RBFOX1: variants seen among roughly 807,000 people sequenced by gnomAD.
The protein encoded by RBFOX1 is RNA binding fox-1 homolog 1, also known as RNA binding protein fox-1 homolog 1.
RBFOX1 carries 8 observed loss-of-function variants against 57.7 expected under a neutral mutation model. The ratio of observed to expected loss-of-function variants is 0.14; its 90% CI spans 0.08 to 0.25. The LOEUF (loss-of-function observed/expected upper bound fraction) is 0.25, where lower values mean the gene tolerates loss of function less well. RBFOX1 is among the 10% of genes least tolerant of loss of function. RBFOX1 has a pLI of 1.00. For synonymous variants in RBFOX1, 326 were observed against 222.4 expected, an observed-to-expected ratio of 1.47 and a Z score of -4.15; for missense variants, 611 against 548.5, an observed-to-expected ratio of 1.11 and a Z score of -1.14.
At chr16:6,515,899 T>G (rs2096367811) in intron 2 of RBFOX1, among the ~76,000 whole-genome samples, 1 of 152,202 alleles carries the variant, frequency 6.6e-6, no homozygotes, top group Non-Finnish European at 1.5e-5. Context: ...TTGCATAATT[T>G]TCCTTGACTC....
At chr16:6,364,319 C>T (rs575933516) in intron 2 of RBFOX1, among the ~76,000 whole-genome samples, 1 of 152,146 alleles carries the variant, frequency 6.6e-6, no homozygotes, top group Non-Finnish European at 1.5e-5. Context: ...TTTTATCTTG[C>T]ATTTTCCCTC....
At chr16:5,584,880 C>T (rs1356901428) in intron 2 of RBFOX1, among the ~76,000 whole-genome samples, 2 of 152,080 alleles carry the variant, frequency 1.3e-5, no homozygotes, top group Non-Finnish European at 2.9e-5. Flanking sequence ...TTTGATTGTA[C>T]AGATGTGTGT....
intron 2 of RBFOX1, among the ~76,000 whole-genome samples, chr16:6,482,830 C>T (rs1212973285): frequency 6.6e-6 from 1 of 152,208 alleles, no homozygotes; most frequent in East Asian, 1.9e-4. Context: ...GTCATAAATA[C>T]TGTCCCGTGG....
intron 2 of RBFOX1, among the ~76,000 whole-genome samples, chr16:5,563,560 C>G (rs12149635): frequency 6.6e-6 from 1 of 152,000 alleles, no homozygotes; most frequent in African/African-American, 2.4e-5. Context: ...GCACCTTGGT[C>G]ATCAAATTTG....
chr16:5,943,836 C>T (rs1427986065), intron 4 of RBFOX1, among the ~76,000 whole-genome samples: 3 of 151,916 alleles, frequency 2.0e-5, no homozygotes, highest in Admixed American at 6.6e-5. Context: ...CATCGACCCA[C>T]CCATTTATCC....
chr16:5,842,243 C>G (rs886585052), intron 3 of RBFOX1, among the ~76,000 whole-genome samples: 1 of 152,090 alleles, frequency 6.6e-6, no homozygotes, highest in African/African-American at 2.4e-5. Context: ...CGATGATTTT[C>G]CTAGTGAGAT....
chr16:6,100,146 TTTGTTGTTGTTTTTTTTTG>T (rs2152553713), intron 1 of RBFOX1, among the ~76,000 whole-genome samples: 1 of 151,660 alleles, frequency 6.6e-6, no homozygotes, highest in Admixed American at 6.6e-5. Context: ...TATTGTTTTT[TTTGTTGTTGTTTTTTTTTG>T]TTGTTGTTGT....
intron 3 of RBFOX1, among the ~76,000 whole-genome samples, chr16:6,850,222 C>G (rs1007451173): frequency 3.9e-5 from 6 of 152,122 alleles, no homozygotes; most frequent in African/African-American, 1.2e-4. Context: ...AGAAATGATT[C>G]CTCTTTTGGG....
chr16:7,667,946 T>C (rs1179354399), intron 13 of RBFOX1, among the ~76,000 whole-genome samples: 1 of 152,180 alleles, frequency 6.6e-6, no homozygotes, highest in Non-Finnish European at 1.5e-5. Flanking sequence ...AGTGCTACGA[T>C]TACAGACGTG....
chr16:6,790,083 TC>T (rs141871030), intron 3 of RBFOX1, among the ~76,000 whole-genome samples: 42,160 of 149,438 alleles, frequency 0.28, 7,206 homozygotes, highest in Non-Finnish European at 0.39. Context: ...TTTATATTTT[TC>T]TATTATATTG....
chr16:5,463,650 AT>A (rs1160357012), intron 1 of RBFOX1, among the ~76,000 whole-genome samples: 2 of 152,038 alleles, frequency 1.3e-5, no homozygotes, highest in Admixed American at 1.3e-4. Context: ...AAATACAAAA[AT>A]TAGCCAGACG....
intron 3 of RBFOX1, among the ~76,000 whole-genome samples, chr16:5,752,907 G>C (rs2053261736): frequency 6.6e-6 from 1 of 152,212 alleles, no homozygotes; most frequent in African/African-American, 2.4e-5. Context: ...CCAGCACTTT[G>C]GGAGGCTGAG....
intron 4 of RBFOX1, among the ~76,000 whole-genome samples, chr16:7,487,370 A>T (rs1337423036): frequency 6.6e-6 from 1 of 152,108 alleles, no homozygotes; most frequent in South Asian, 2.1e-4. Context: ...CTTCATATCA[A>T]TGTGTTTATG....
intron 3 of RBFOX1, among the ~76,000 whole-genome samples, chr16:6,893,819 A>G (rs2066101961): frequency 6.6e-6 from 1 of 152,206 alleles, no homozygotes; most frequent in Non-Finnish European, 1.5e-5. Context: ...AATCACTAAT[A>G]AAAATATGCT....
chr16:7,282,104 C>G (rs1478013241), intron 4 of RBFOX1, among the ~76,000 whole-genome samples: 3 of 152,066 alleles, frequency 2.0e-5, no homozygotes, highest in Non-Finnish European at 2.9e-5. Flanking sequence ...CTCAGGTGAT[C>G]CACCCACTTC....
At chr16:7,681,050 T>A (rs1296772718) in intron 14 of RBFOX1, among the ~76,000 whole-genome samples, 2 of 152,160 alleles carry the variant, frequency 1.3e-5, no homozygotes, top group Admixed American at 1.3e-4. Context: ...AATATGACAT[T>A]CATAACCTAT....
At chr16:6,607,568 C>G (rs965063357) in intron 2 of RBFOX1, among the ~76,000 whole-genome samples, 1 of 149,766 alleles carries the variant, frequency 6.7e-6, no homozygotes, top group African/African-American at 2.5e-5. Context: ...TCTTCCTCCT[C>G]TCTCTCCGTC....
intron 4 of RBFOX1, among the ~76,000 whole-genome samples, chr16:7,287,028 G>C (rs1301420901): frequency 1.3e-5 from 2 of 152,182 alleles, no homozygotes; most frequent in Non-Finnish European, 2.9e-5. Context: ...ATGCGTGATA[G>C]AAGCTGTAGG....
At chr16:6,625,686 G>T (rs183575795) in intron 2 of RBFOX1, among the ~76,000 whole-genome samples, 1 of 149,754 alleles carries the variant, frequency 6.7e-6, no homozygotes, top group Non-Finnish European at 1.5e-5. Flanking sequence ...TGCCTTATCA[G>T]TATCTCTTCC....
Sources: allele counts gnomAD v4.1 joint callset (sites outside exome capture counted in the v4.1 genomes callset), GRCh38; gene constraint gnomAD v4.1.1; transcripts MANE v1.5; gene names NCBI Gene and HGNC (gene_info 2026-07-23, HGNC 2026-07-21).